Variants in CD58 observed in about 807,000 individuals in gnomAD.
CD58 encodes CD58 molecule.
Under a neutral mutation model 27.6 loss-of-function variants are expected in CD58, and 14 were observed. The ratio of observed to expected loss-of-function variants is 0.51; its 90% CI spans 0.34 to 0.79. CD58 has a LOEUF of 0.79. Among genes scored for constraint, CD58 ranks in the 30% least tolerant of loss-of-function variants. CD58 has a pLI of 0.02. For synonymous variants in CD58, 117 were observed against 103.8 expected, an observed-to-expected ratio of 1.13 and a Z score of -0.77; for missense variants, 268 against 301.7, an observed-to-expected ratio of 0.89 and a Z score of 0.83.
rs1039998395 is a variant in CD58 at position 116,552,733 on chromosome 1, C to A, written c.71-8129G>T. On this transcript the variant is annotated intron_variant, in intron 1 of 5. Coordinates refer to ENST00000369489, the MANE Select transcript of CD58 (RefSeq NM_001779.3). The surrounding 1 kb of genome is among the most constrained non-coding windows in gnomAD (Gnocchi z 4.5). ...ACCATAATTAATCTGCCATCCACCA[C>A]TGATGAACACTCCTTTTGTGGCTAG... is the stretch of plus-strand genomic sequence containing the variant. 6.6e-6 allele frequency among the ~76,000 whole-genome samples: 1 copy of A among 152,224 alleles called. No individual in the cohort carries two copies. The highest frequency in any genetic ancestry group is 2.4e-5 in the African/African-American group (1 of 41,446).
chr1:116,536,679 G>A lies in CD58; in HGVS notation c.365-451C>T, dbSNP rs571223814. 5.3e-5 allele frequency among the ~76,000 whole-genome samples: 8 copies of A among 152,182 alleles called. No individual in the cohort carries two copies. The highest frequency in any genetic ancestry group is 2.1e-4 in the South Asian group (1 of 4,826). On this transcript the variant is annotated intron_variant, in intron 2 of 5. Coordinates refer to ENST00000369489, the MANE Select transcript of CD58 (RefSeq NM_001779.3). This position sits in a 1 kb window ranked among gnomAD's most constrained non-coding sequence, Gnocchi z 5.4. ...CTTCTGCCATGATTGTAAGTTTCCCGAGGCCTCCCCAGCCATGTGGAACTG... is the reference window on the plus strand; with the variant it reads ...CTTCTGCCATGATTGTAAGTTTCCCAAGGCCTCCCCAGCCATGTGGAACTG...
rs189201067 is a variant in CD58, at chr1:116,565,920, C to T, written c.70+4983G>A. On this transcript the variant is annotated intron_variant, in intron 1 of 5. Transcript: ENST00000369489. ...TTTTAGTAGAGACAGGGTTTCACTG[C>T]GTTAGCCAGGATGGTCTCAATCTCC... is the stretch of plus-strand genomic sequence containing the variant. Among the ~76,000 whole-genome samples, 276 of 152,030 alleles carry T rather than the reference C, an allele frequency of 1.8e-3. 1 individual carries two copies. The highest frequency in any genetic ancestry group is 3.4e-3 in the Middle Eastern group (1 of 294).
rs1215833283 is a variant in CD58, at chr1:116,536,469, G to A, written c.365-241C>T. Among the ~76,000 whole-genome samples, 3 of 152,082 alleles carry A rather than the reference G, an allele frequency of 2.0e-5. No homozygotes were observed. Among genetic ancestry groups the A allele is most frequent in the African/African-American group, 7.2e-5 (3 of 41,414 alleles). ...TGGGTCCTCACCCAAATCTCATCTT[G>A]AATTGTAATTCCCATGTGTCGAGAG... On this transcript the variant is annotated intron_variant, in intron 2 of 5. Coordinates refer to ENST00000369489, the MANE Select transcript of CD58 (RefSeq NM_001779.3). The surrounding 1 kb of genome is among the most constrained non-coding windows in gnomAD (Gnocchi z 5.4).
intron 1 of CD58, among the ~76,000 whole-genome samples, chr1:116,567,239 G>A (rs1470060152): frequency 2.4e-5 from 3 of 125,934 alleles, no homozygotes; most frequent in Non-Finnish European, 5.2e-5. Flanking sequence ...GAGGGAAAGG[G>A]AGGGGAGGGG....
In CD58 at chr1:116,518,755, A is replaced by G. The variant is rs118001644; in HGVS notation, c.743+476T>C. The G allele has an allele frequency of 1.7e-5, 17 of 995,390 alleles. No homozygotes were observed. The East Asian group carries it at 1.8e-3, about 108-fold the overall frequency. The allele number at this position is 995,390 out of a possible 1,614,324, so 61.7% of individuals were successfully genotyped here. The stretch of plus-strand genomic sequence containing the variant: ...TAATTGTGTTTGTGTCCTATCTTTT[A>G]TATGTGACTACAGGCCCAGCTCTGA... On this transcript the variant is annotated intron_variant, in intron 5 of 5. Transcript: ENST00000369489.
At chr1:116,556,306 A>C (rs472291) in intron 1 of CD58, among the ~76,000 whole-genome samples, 93,721 of 145,348 alleles carry the variant, frequency 0.64, 32,213 homozygotes, top group African/African-American at 0.88. Context: ...ACATATTAAG[A>C]AGGTTTTATT....
In CD58 at chr1:116,565,631, C is replaced by T. The variant is rs1477087637; in HGVS notation, c.70+5272G>A. Among the ~76,000 whole-genome samples the T allele has an allele frequency of 5.1e-5, 7 of 136,502 alleles. No homozygotes were observed. The South Asian group carries it at 1.1e-3, about 22-fold the overall frequency. The allele number at this position is 136,502 out of a possible 152,430, so 89.6% of individuals were successfully genotyped here. A position where few individuals can be genotyped will look rare whatever the true frequency, so the allele number is the denominator to read the frequency against. ...ATGGTTAAGTGACAAAAATGAGATA[C>T]AAAAAAATACATAGAGTGTTACCTT... On this transcript the variant is annotated intron_variant, in intron 1 of 5. Coordinates refer to ENST00000369489, the MANE Select transcript of CD58 (RefSeq NM_001779.3).
chr1:116,542,977 G>T (rs569097650), intron 2 of CD58, among the ~76,000 whole-genome samples: 2 of 152,366 alleles, frequency 1.3e-5, no homozygotes, highest in East Asian at 3.9e-4. Flanking sequence ...ACTGCTAGGA[G>T]AGTGGGTAAG....
chr1:116,564,671 T>G (rs1282112438), intron 1 of CD58, among the ~76,000 whole-genome samples: 1 of 152,230 alleles, frequency 6.6e-6, no homozygotes, highest in Non-Finnish European at 1.5e-5. Flanking sequence ...GTGAGACTTA[T>G]TCACTATCTG....
In CD58 at chr1:116,541,349, A is replaced by C. The variant is rs1467861546; in HGVS notation, c.364+2962T>G. 2.6e-5 allele frequency among the ~76,000 whole-genome samples: 4 copies of C among 152,208 alleles called. No individual in the cohort carries two copies. Among genetic ancestry groups the C allele is most frequent in the Non-Finnish European group, 5.9e-5 (4 of 68,028 alleles). ...TAAGAGGATACTTTGACATCTTAGC[A>C]AGCTGTATTTGTCTAAATAGAGTCC... On this transcript the variant is annotated intron_variant, in intron 2 of 5. Transcript: ENST00000369489. The surrounding 1 kb of genome is among the most constrained non-coding windows in gnomAD (Gnocchi z 5.3).
Position 116,541,734 on chromosome 1 carries a change from T to C in CD58, c.364+2577A>G, listed in dbSNP as rs1657995089. Among the ~76,000 whole-genome samples, 1 of 152,116 alleles carries C rather than the reference T, an allele frequency of 6.6e-6. No homozygotes were observed. The highest frequency in any genetic ancestry group is 2.1e-4 in the South Asian group (1 of 4,818). ...CCAATTAGATGTCTGACTGGAGAGG[T>C]ACACTGGGCAGTCAGGTATACACAT... On this transcript the variant is annotated intron_variant, in intron 2 of 5. Coordinates refer to ENST00000369489, the MANE Select transcript of CD58 (RefSeq NM_001779.3). This position sits in a 1 kb window ranked among gnomAD's most constrained non-coding sequence, Gnocchi z 5.3.
In CD58 at chr1:116,514,565, A is replaced by G; in HGVS notation, c.*248T>C. The G allele has an allele frequency of 2.3e-6, 1 of 434,482 alleles. No homozygotes were observed. The highest frequency in any genetic ancestry group is 4.4e-5 in the Admixed American group (1 of 22,636). 26.9% of individuals were successfully genotyped at this position (434,482 alleles called of 1,614,324 possible). Reference sequence around the variant, plus strand: ...GTGTACATATTTACATTTATTTACAAAAGTATCTACATCATCAGTAAAAAC... The same window carrying G: ...GTGTACATATTTACATTTATTTACAGAAGTATCTACATCATCAGTAAAAAC... On this transcript the variant is annotated 3_prime_UTR_variant, in exon 6 of 6. Transcript: ENST00000369489.
At chr1:116,525,145 T>G (rs1657388628) in intron 3 of CD58, among the ~76,000 whole-genome samples, 1 of 152,236 alleles carries the variant, frequency 6.6e-6, no homozygotes, top group Admixed American at 6.5e-5. Context: ...TATAATAACA[T>G]CGTTACAGTA....
intron 3 of CD58, among the ~76,000 whole-genome samples, chr1:116,530,084 TAGAG>T (rs1657549691): frequency 6.6e-6 from 1 of 152,184 alleles, no homozygotes; most frequent in Non-Finnish European, 1.5e-5. Context: ...TTGAAACGTA[TAGAG>T]AGTCAGGATG....
rs534011657 is a variant in CD58 at position 116,522,156 on chromosome 1, G to A, written c.629-173C>T. Among the ~76,000 whole-genome samples, 3 of 152,320 alleles carry A rather than the reference G, an allele frequency of 2.0e-5. No individual in the cohort carries two copies. The East Asian group carries it at 5.8e-4, about 29-fold the overall frequency. ...ATAAGAACAGTGATGAAAACTTTGA[G>A]TCACCCAATAAGCAGATTCCCAGCA... On this transcript the variant is annotated intron_variant, in intron 3 of 5. Transcript: ENST00000369489. This position sits in a 1 kb window ranked among gnomAD's most constrained non-coding sequence, Gnocchi z 4.6.
intron 1 of CD58, among the ~76,000 whole-genome samples, chr1:116,549,268 G>A (rs907276212): frequency 5.9e-5 from 9 of 152,146 alleles, no homozygotes; most frequent in African/African-American, 1.7e-4. Context: ...AAAGCATCAG[G>A]TGTCAATAAG....
At chr1:116,558,508 G>C (rs1252501389) in intron 1 of CD58, among the ~76,000 whole-genome samples, 1 of 152,194 alleles carries the variant, frequency 6.6e-6, no homozygotes. Context: ...TTATAGTATT[G>C]AGGAGCGGCC....
intron 1 of CD58, among the ~76,000 whole-genome samples, chr1:116,568,691 G>T (rs1214702151): frequency 6.6e-6 from 1 of 152,248 alleles, no homozygotes; most frequent in Non-Finnish European, 1.5e-5. Context: ...TTGCATGACT[G>T]ATGTTCCCAG....
chr1:116,549,944 A>G lies in CD58; in HGVS notation c.71-5340T>C, dbSNP rs568270833. Among the ~76,000 whole-genome samples the G allele has an allele frequency of 1.1e-4, 17 of 152,364 alleles. No individual in the cohort carries two copies. In the South Asian group the frequency reaches 2.5e-3, roughly 22 times the overall value. On this transcript the variant is annotated intron_variant, in intron 1 of 5. Transcript: ENST00000369489. ...CAGGGCATATAAATGTTATGTTTAC[A>G]CTATACTGTAGTCTATTAAAGTGTT...
Sources: allele counts gnomAD v4.1 joint callset (sites outside exome capture counted in the v4.1 genomes callset), GRCh38; gene constraint gnomAD v4.1.1; non-coding constraint Gnocchi (gnomAD v3.1); transcripts MANE v1.5; gene names NCBI Gene and HGNC (gene_info 2026-07-23, HGNC 2026-07-21).